NKAIN3: variants seen among roughly 807,000 people sequenced by gnomAD.
The protein encoded by NKAIN3 is sodium/potassium-transporting ATPase subunit beta-1-interacting protein 3.
A neutral mutation model predicts 30.2 loss-of-function variants in NKAIN3; 25 were observed. The observed-to-expected ratio is 0.83, with a 90% CI of 0.60 to 1.16. The LOEUF (loss-of-function observed/expected upper bound fraction) is 1.16. Ranked by LOEUF, NKAIN3 falls within the 50% of genes most tolerant of loss-of-function variation. The probability of loss-of-function intolerance (pLI) is 0.00; values close to 1 mark genes in which losing one functional copy is unlikely to be tolerated. For synonymous variants in NKAIN3, 91 were observed against 89.6 expected (o/e 1.02, Z -0.09); for missense variants, 225 against 254.1 (o/e 0.89, Z 0.78).
At chr8:62,561,672 C>G (rs1563458133) in intron 1 of NKAIN3, among the ~76,000 whole-genome samples, 1 of 152,046 alleles carries the variant, frequency 6.6e-6, no homozygotes, top group Non-Finnish European at 1.5e-5. Context: ...CAAAAATACT[C>G]ACTTCATAGA....
In NKAIN3 at chr8:62,363,397, T is replaced by C. The variant is rs192420303; in HGVS notation, c.54+114270T>C. On this transcript the variant is annotated intron_variant, in intron 1 of 6. Transcript: ENST00000623646. The stretch of plus-strand genomic sequence containing the variant: ...AGATTTCATCCTGCCTGAGCCCTTA[T>C]AGTAGAACAGTAGGTAGCTACCTAA... Among the ~76,000 whole-genome samples the C allele has an allele frequency of 1.1e-4, 16 of 152,266 alleles. No individual in the cohort carries two copies. In the East Asian group the frequency reaches 2.5e-3, roughly 24 times the overall value.
intron 1 of NKAIN3, among the ~76,000 whole-genome samples, chr8:62,299,944 G>T (rs1344979505): frequency 6.6e-6 from 1 of 151,840 alleles, no homozygotes; most frequent in Non-Finnish European, 1.5e-5. Context: ...ATTGTAGTGT[G>T]GATCAGTACA....
At chr8:62,690,517 T>G (rs1025133703) in intron 3 of NKAIN3, among the ~76,000 whole-genome samples, 1 of 152,204 alleles carries the variant, frequency 6.6e-6, no homozygotes, top group African/African-American at 2.4e-5. Context: ...TTTTCCAAAT[T>G]CGTCACTGGA....
intron 4 of NKAIN3, among the ~76,000 whole-genome samples, chr8:62,890,788 A>G (rs1476332315): frequency 6.6e-6 from 1 of 152,220 alleles, no homozygotes; most frequent in Non-Finnish European, 1.5e-5. Context: ...AGTGGTAACC[A>G]AAAAGAAAGG....
chr8:62,777,974 G>C (rs1282164918), intron 4 of NKAIN3, among the ~76,000 whole-genome samples: 1 of 152,052 alleles, frequency 6.6e-6, no homozygotes, highest in African/African-American at 2.4e-5. Context: ...TAGCATGTTG[G>C]GGGGCTTGGA....
At chr8:62,562,736 C>T (rs755116137) in intron 1 of NKAIN3, among the ~76,000 whole-genome samples, 2 of 152,022 alleles carry the variant, frequency 1.3e-5, no homozygotes, top group African/African-American at 2.4e-5. Flanking sequence ...TACTTTCACA[C>T]GTACAAGGGG....
chr8:62,925,422 T>A (rs1323169356), intron 5 of NKAIN3, among the ~76,000 whole-genome samples: 1 of 152,198 alleles, frequency 6.6e-6, no homozygotes, highest in Non-Finnish European at 1.5e-5. Flanking sequence ...TGCACTTATA[T>A]CTTTTATCAA....
At chr8:62,552,051 A>G (rs1809232893) in intron 1 of NKAIN3, among the ~76,000 whole-genome samples, 1 of 152,164 alleles carries the variant, frequency 6.6e-6, no homozygotes, top group Non-Finnish European at 1.5e-5. Flanking sequence ...CTAGACACAT[A>G]ACTATTGAAT....
intron 5 of NKAIN3, among the ~76,000 whole-genome samples, chr8:62,934,947 G>A (rs762555633): frequency 1.6e-4 from 24 of 152,122 alleles, no homozygotes; most frequent in Non-Finnish European, 3.1e-4. Context: ...CAGCAGCCCT[G>A]GAGAGGGGGA....
At chr8:62,402,785 C>T (rs1478244668) in intron 1 of NKAIN3, among the ~76,000 whole-genome samples, 6 of 152,094 alleles carry the variant, frequency 3.9e-5, no homozygotes, top group Non-Finnish European at 8.8e-5. Flanking sequence ...CAGACTAATA[C>T]AGTAAATTGG....
intron 3 of NKAIN3, among the ~76,000 whole-genome samples, chr8:62,635,792 G>A (rs887066703): frequency 2.6e-5 from 4 of 152,096 alleles, no homozygotes; most frequent in Admixed American, 2.0e-4. Context: ...TTGTTTATAA[G>A]CCACCAGACC....
rs892379297 is a variant in NKAIN3, at chr8:62,296,535, C to CT, written c.54+47416dup. The stretch of plus-strand genomic sequence containing the variant: ...GCTGGTTGTAGCATATTAACTGTAA[C>CT]TTTTTTTTAAAAAAAGAGATTTTAC... On this transcript the variant is annotated intron_variant, in intron 1 of 6. Transcript: ENST00000623646. 4.6e-5 allele frequency among the ~76,000 whole-genome samples: 7 copies of CT among 152,028 alleles called. No individual in the cohort carries two copies. In the South Asian group the frequency reaches 8.3e-4, roughly 18 times the overall value.
chr8:62,877,405 A>C (rs1820832597), intron 4 of NKAIN3, among the ~76,000 whole-genome samples: 1 of 152,220 alleles, frequency 6.6e-6, no homozygotes, highest in Non-Finnish European at 1.5e-5. Flanking sequence ...TCAGCTGTAG[A>C]GTTGAGGGGA....
intron 4 of NKAIN3, among the ~76,000 whole-genome samples, chr8:62,865,709 A>C (rs934454411): frequency 1.3e-5 from 2 of 152,232 alleles, no homozygotes; most frequent in Non-Finnish European, 2.9e-5. Context: ...GAAATTATCA[A>C]GTTGGAACCA....
At chr8:62,778,078 G>C (rs187145697) in intron 4 of NKAIN3, among the ~76,000 whole-genome samples, 61 of 152,198 alleles carry the variant, frequency 4.0e-4, no homozygotes, top group Middle Eastern at 3.4e-3. Flanking sequence ...ATGCTGAGCT[G>C]CCTGGAGCTG....
At chr8:62,481,941 C>G (rs952505708) in intron 1 of NKAIN3, among the ~76,000 whole-genome samples, 8 of 152,164 alleles carry the variant, frequency 5.3e-5, no homozygotes, top group Admixed American at 5.2e-4. Context: ...GCCACAGTAG[C>G]TCACCAGCCC....
At chr8:62,716,702 CAG>C (rs1297326079) in intron 3 of NKAIN3, among the ~76,000 whole-genome samples, 1 of 151,350 alleles carries the variant, frequency 6.6e-6, no homozygotes, top group Non-Finnish European at 1.5e-5. Context: ...AATAGATATA[CAG>C]AGTTTCTCCC....
chr8:62,322,224 G>A (rs1342037440), intron 1 of NKAIN3, among the ~76,000 whole-genome samples: 1 of 152,196 alleles, frequency 6.6e-6, no homozygotes, highest in Non-Finnish European at 1.5e-5. Context: ...GGTGCCATCT[G>A]TCACCCCTTT....
At chr8:62,592,757 A>T (rs1810692414) in intron 3 of NKAIN3, among the ~76,000 whole-genome samples, 2 of 152,014 alleles carry the variant, frequency 1.3e-5, no homozygotes, top group Non-Finnish European at 2.9e-5. Flanking sequence ...AAAGATGGAA[A>T]ATATATGCTA....
Sources: gnomAD v4.1 joint callset for allele counts (sites outside exome capture counted in the v4.1 genomes callset) on GRCh38, gnomAD v4.1.1 for gene constraint, MANE v1.5 for transcripts, NCBI Gene and HGNC (gene_info 2026-07-23, HGNC 2026-07-21) for gene names.